TBC1D5: variants seen among roughly 807,000 people sequenced by gnomAD.
The protein encoded by TBC1D5 is TBC1 domain family, member 5.
TBC1D5 carries 75 observed loss-of-function variants against 100.3 expected under a neutral mutation model. That is an observed-to-expected ratio of 0.75 (90% CI 0.62 to 0.91). The LOEUF (loss-of-function observed/expected upper bound fraction) is 0.91, where lower values mean the gene tolerates loss of function less well. Among genes scored for constraint, TBC1D5 ranks in the 40% least tolerant of loss-of-function variants. TBC1D5 has a pLI of 0.00. For synonymous variants in TBC1D5, 323 were observed against 325.6 expected, an observed-to-expected ratio of 0.99 and a Z score of 0.09; for missense variants, 910 against 942.4, an observed-to-expected ratio of 0.97 and a Z score of 0.45.
At chr3:17,581,632 T>G (rs1045588167) in intron 2 of TBC1D5, among the ~76,000 whole-genome samples, 2 of 152,204 alleles carry the variant, frequency 1.3e-5, no homozygotes, top group Non-Finnish European at 2.9e-5. Context: ...TAGCAAATAC[T>G]GTTACTCAAA....
chr3:17,656,718 T>G (rs1300378298), intron 1 of TBC1D5, among the ~76,000 whole-genome samples: 1 of 152,248 alleles, frequency 6.6e-6, no homozygotes, highest in African/African-American at 2.4e-5. Flanking sequence ...AATACTACTT[T>G]TTTTAATATG....
At chr3:17,651,031 A>C (rs1047810363) in intron 1 of TBC1D5, among the ~76,000 whole-genome samples, 4 of 152,202 alleles carry the variant, frequency 2.6e-5, no homozygotes, top group African/African-American at 9.6e-5. Context: ...TATTATTGGG[A>C]TAGCTGCATA....
chr3:17,397,584 C>T (rs932274787), intron 8 of TBC1D5, among the ~76,000 whole-genome samples: 4 of 152,102 alleles, frequency 2.6e-5, no homozygotes, highest in Non-Finnish European at 5.9e-5. Flanking sequence ...GCCATGTTGC[C>T]CAGGCTGGTC....
intron 1 of TBC1D5, among the ~76,000 whole-genome samples, chr3:17,727,336 G>A (rs570327354): frequency 2.6e-5 from 4 of 152,262 alleles, no homozygotes; most frequent in East Asian, 1.9e-4. Context: ...AGCCAAGATC[G>A]TGCCATTGCA....
At chr3:17,472,417 G>A (rs977623781) in intron 3 of TBC1D5, among the ~76,000 whole-genome samples, 6 of 151,966 alleles carry the variant, frequency 3.9e-5, no homozygotes, top group East Asian at 3.9e-4. Flanking sequence ...GAGTCACTGC[G>A]CCCAGCCCAA....
chr3:17,210,698 G>A (rs1404739842), intron 18 of TBC1D5, among the ~76,000 whole-genome samples: 1 of 151,952 alleles, frequency 6.6e-6, no homozygotes, highest in Admixed American at 6.5e-5. Flanking sequence ...GTCAGTCTAT[G>A]GACTTTTTCC....
At chr3:17,671,055 T>A (rs1056792598) in intron 1 of TBC1D5, among the ~76,000 whole-genome samples, 2 of 152,190 alleles carry the variant, frequency 1.3e-5, no homozygotes, top group Admixed American at 6.5e-5. Flanking sequence ...AGGGCCAGAA[T>A]AAATAATTTA....
At chr3:17,374,508 T>A (rs748005847) in exon 12 of TBC1D5, 1 of 1,612,226 alleles carries the variant, frequency 6.2e-7, no homozygotes, top group Non-Finnish European at 8.5e-7. Flanking sequence ...AAACCAAGGT[T>A]CAGCAGTTTC....
chr3:17,531,439 C>T (rs1313702316), intron 2 of TBC1D5, among the ~76,000 whole-genome samples: 4 of 152,166 alleles, frequency 2.6e-5, no homozygotes, highest in African/African-American at 7.2e-5. Flanking sequence ...AATGCCATCC[C>T]CATCAAGCTA....
intron 16 of TBC1D5, among the ~76,000 whole-genome samples, chr3:17,257,761 T>C (rs1453786423): frequency 6.6e-6 from 1 of 152,206 alleles, no homozygotes; most frequent in Non-Finnish European, 1.5e-5. Flanking sequence ...TAAATGTATA[T>C]TTAGGCTCTT....
chr3:17,505,688 A>C lies in TBC1D5; in HGVS notation c.97+2786T>G, dbSNP rs189861271. ...TTTAAAATAAAGTGATTACTTCTTC[A>C]TTTTATTGGTCATTAAAGGTTAAGA... On this transcript the variant is annotated intron_variant, in intron 3 of 21. Transcript: ENST00000253692. Among the ~76,000 whole-genome samples the C allele has an allele frequency of 1.0e-3, 156 of 152,298 alleles. 3 individuals carry two copies. The South Asian group carries it at 0.019, about 18-fold the overall frequency.
chr3:17,449,255 T>C (rs1286118272), intron 3 of TBC1D5, among the ~76,000 whole-genome samples: 1 of 152,206 alleles, frequency 6.6e-6, no homozygotes, highest in Non-Finnish European at 1.5e-5. Context: ...ACCAGAAGAT[T>C]CCTGCAGGTG....
chr3:17,382,044 G>A (rs1357145200), intron 9 of TBC1D5, among the ~76,000 whole-genome samples: 1 of 151,912 alleles, frequency 6.6e-6, no homozygotes, highest in African/African-American at 2.4e-5. Flanking sequence ...CTTTATAGAA[G>A]TTTTAATATC....
chr3:17,524,137 G>A (rs139087468), intron 2 of TBC1D5, among the ~76,000 whole-genome samples: 3 of 152,004 alleles, frequency 2.0e-5, no homozygotes, highest in Non-Finnish European at 4.4e-5. Flanking sequence ...AGCAGTGCAC[G>A]GAACGGAATT....
At position 17,363,664 on chromosome 3, in the gene TBC1D5, C is replaced by T. The variant is rs567648710; in HGVS notation, c.995+8411G>A. The stretch of plus-strand genomic sequence containing the variant: ...CTGGCCTCAAGATATCTTCCCGCCA[C>T]GACCTCTCAAAGCGCTGCGATTATA... On this transcript the variant is annotated intron_variant, in intron 13 of 21. Coordinates refer to ENST00000253692, the Ensembl canonical transcript of TBC1D5. Among the ~76,000 whole-genome samples the T allele has an allele frequency of 5.3e-5, 8 of 151,760 alleles. No individual in the cohort carries two copies. In the South Asian group the frequency reaches 1.2e-3, roughly 24 times the overall value.
chr3:17,280,793 G>T (rs1309254812), intron 15 of TBC1D5, among the ~76,000 whole-genome samples: 1 of 152,182 alleles, frequency 6.6e-6, no homozygotes. Flanking sequence ...GGATGCAAAA[G>T]GCTGTCACAC....
At chr3:17,238,017 CT>C in intron 17 of TBC1D5, 145 bp downstream of exon 17, 2 of 1,192,430 alleles carry the variant, frequency 1.7e-6, no homozygotes, top group South Asian at 3.3e-5. Flanking sequence ...AACACGGTAT[CT>C]AGTATTCCAA....
chr3:17,282,969 C>T (rs751632669), intron 15 of TBC1D5, among the ~76,000 whole-genome samples: 4 of 152,182 alleles, frequency 2.6e-5, no homozygotes, highest in Admixed American at 6.5e-5. Context: ...GTCTCTGAGG[C>T]GGTCACTGAG....
chr3:17,537,891 C>T (rs1326374921), intron 2 of TBC1D5, among the ~76,000 whole-genome samples: 1 of 152,200 alleles, frequency 6.6e-6, no homozygotes, highest in East Asian at 1.9e-4. Context: ...TTTGCCAAGG[C>T]TAAGGACGTG....
Sources: gnomAD v4.1 joint callset for allele counts (sites outside exome capture counted in the v4.1 genomes callset) on GRCh38, gnomAD v4.1.1 for gene constraint, MANE v1.5 for transcripts, NCBI Gene and HGNC (gene_info 2026-07-23, HGNC 2026-07-21) for gene names.